Variants in FOXP1 observed in about 807,000 individuals in gnomAD.
FOXP1 encodes the protein forkhead box P1.
A neutral mutation model predicts 98.2 loss-of-function variants in FOXP1; 15 were observed. The ratio of observed to expected loss-of-function variants is 0.15; its 90% confidence interval spans 0.10 to 0.24. The LOEUF (loss-of-function observed/expected upper bound fraction) is 0.24. FOXP1 is among the 10% of genes least tolerant of loss of function. The pLI, the probability that FOXP1 is intolerant of heterozygous loss-of-function variation, is 1.00. For missense variants in FOXP1, 633 were observed against 848.5 expected, an observed-to-expected ratio of 0.75 and a Z score of 3.15; for synonymous variants, 371 against 314.5, an observed-to-expected ratio of 1.18 and a Z score of -1.90.
chr3:71,229,768 G>C (rs2066136610), intron 5 of FOXP1, among the ~76,000 whole-genome samples: 1 of 152,132 alleles, frequency 6.6e-6, no homozygotes, highest in Non-Finnish European at 1.5e-5. Flanking sequence ...AGTTGGATCA[G>C]CTACAATGGG....
chr3:71,186,583 A>G (rs1164542187), intron 6 of FOXP1, among the ~76,000 whole-genome samples: 1 of 152,126 alleles, frequency 6.6e-6, no homozygotes, highest in Admixed American at 6.5e-5. Context: ...TGGTGGCGCA[A>G]GCCTGTAGTC....
chr3:71,494,954 G>T (rs1422135508), intron 2 of FOXP1, among the ~76,000 whole-genome samples: 3 of 151,318 alleles, frequency 2.0e-5, no homozygotes, highest in Admixed American at 2.0e-4. Flanking sequence ...AAAAAGAAAA[G>T]AAATGAAGAA....
intron 11 of FOXP1, among the ~76,000 whole-genome samples, chr3:71,021,065 T>A (rs1234057025): frequency 1.3e-5 from 2 of 152,246 alleles, no homozygotes; most frequent in East Asian, 1.9e-4. Context: ...ATAGTTTACA[T>A]ATCATACAAT....
chr3:71,298,791 T>C (rs1300453489), intron 5 of FOXP1, among the ~76,000 whole-genome samples: 1 of 152,156 alleles, frequency 6.6e-6, no homozygotes, highest in Non-Finnish European at 1.5e-5. Flanking sequence ...GTGAGACTTA[T>C]CAAAAACTGA....
intron 7 of FOXP1, among the ~76,000 whole-genome samples, chr3:71,074,705 A>C (rs1482022645): frequency 6.6e-6 from 1 of 152,190 alleles, no homozygotes; most frequent in Non-Finnish European, 1.5e-5. Context: ...AATAAATGTG[A>C]CCAAGTGTCA....
Position 71,029,022 on chromosome 3 carries a change from G to A in FOXP1, c.869+12306C>T, listed in dbSNP as rs117381500. On this transcript the variant is annotated intron_variant, in intron 11 of 20. Transcript: ENST00000649528. ...TACAGATGGAACTTCACTCACTCAC[G>A]TGCCTCACCTCCTGCCGTGTGCCCT... 1.1e-3 allele frequency among the ~76,000 whole-genome samples: 172 copies of A among 152,306 alleles called. 2 individuals carry two copies. In the South Asian group the frequency reaches 0.022, roughly 19 times the overall value.
At chr3:71,471,941 C>CT (rs1177114086) in intron 3 of FOXP1, among the ~76,000 whole-genome samples, 1 of 152,184 alleles carries the variant, frequency 6.6e-6, no homozygotes, top group Non-Finnish European at 1.5e-5. Flanking sequence ...TGAATTTGTT[C>CT]TACAGCCCTA....
intron 5 of FOXP1, among the ~76,000 whole-genome samples, chr3:71,277,308 G>A (rs996817828): frequency 3.3e-5 from 5 of 150,492 alleles, no homozygotes; most frequent in South Asian, 2.1e-4. Flanking sequence ...GAGAACATGC[G>A]GTGTTTAACT....
intron 6 of FOXP1, among the ~76,000 whole-genome samples, chr3:71,117,997 G>C (rs1391547763): frequency 1.3e-5 from 2 of 152,172 alleles, no homozygotes; most frequent in Non-Finnish European, 2.9e-5. Context: ...GTGGGTCAGG[G>C]GGAGTGGTGG....
intron 4 of FOXP1, among the ~76,000 whole-genome samples, chr3:71,303,502 AT>A (rs2074022240): frequency 6.6e-6 from 1 of 152,162 alleles, no homozygotes; most frequent in Admixed American, 6.6e-5. Flanking sequence ...AAATAGGCCA[AT>A]TTCCAAGAGT....
At chr3:71,196,454 T>C (rs2063308118) in intron 6 of FOXP1, among the ~76,000 whole-genome samples, 1 of 152,138 alleles carries the variant, frequency 6.6e-6, no homozygotes, top group Admixed American at 6.5e-5. Context: ...AGATCCTGAA[T>C]GATTTTTAGC....
chr3:71,150,216 G>C (rs2060501505), intron 6 of FOXP1, among the ~76,000 whole-genome samples: 1 of 152,180 alleles, frequency 6.6e-6, no homozygotes, highest in South Asian at 2.1e-4. Context: ...ACGAGTACTA[G>C]GGAGGATGCT....
At chr3:71,477,362 A>G (rs2089935966) in intron 3 of FOXP1, among the ~76,000 whole-genome samples, 1 of 152,040 alleles carries the variant, frequency 6.6e-6, no homozygotes, top group Non-Finnish European at 1.5e-5. Context: ...AAACTGTAAA[A>G]CTCTCGTAAT....
chr3:71,568,975 A>C (rs1416190464), intron 2 of FOXP1, among the ~76,000 whole-genome samples: 2 of 152,178 alleles, frequency 1.3e-5, no homozygotes, highest in Admixed American at 6.5e-5. Context: ...ATGCCTCATA[A>C]GACTTGGATT....
At chr3:71,341,446 G>A (rs915822115) in intron 4 of FOXP1, among the ~76,000 whole-genome samples, 15 of 152,172 alleles carry the variant, frequency 9.9e-5, no homozygotes, top group African/African-American at 3.4e-4. Flanking sequence ...AGTACTCAGA[G>A]GGAAATTTAT....
intron 3 of FOXP1, among the ~76,000 whole-genome samples, chr3:71,371,244 G>A (rs928931020): frequency 2.0e-5 from 3 of 152,138 alleles, no homozygotes; most frequent in African/African-American, 7.2e-5. Flanking sequence ...GTATTGGTGC[G>A]TAGCTGCATC....
chr3:71,032,078 A>G (rs1221308382), intron 11 of FOXP1, among the ~76,000 whole-genome samples: 1 of 152,274 alleles, frequency 6.6e-6, no homozygotes, highest in Admixed American at 6.5e-5. Context: ...CAAACTGCAC[A>G]ACAGAGGCTG....
chr3:71,384,687 G>A (rs1349278037), intron 3 of FOXP1, among the ~76,000 whole-genome samples: 1 of 152,212 alleles, frequency 6.6e-6, no homozygotes, highest in African/African-American at 2.4e-5. Flanking sequence ...TAAAACAATT[G>A]TCACCAACTG....
In FOXP1 at chr3:71,358,254, A is replaced by G. The variant is rs192792652; in HGVS notation, c.-73+896T>C. 2.6e-5 allele frequency among the ~76,000 whole-genome samples: 4 copies of G among 152,222 alleles called. No homozygotes were observed. The South Asian group carries it at 8.3e-4, about 32-fold the overall frequency. On this transcript the variant is annotated intron_variant, in intron 4 of 20. Coordinates refer to ENST00000649528, the MANE Select transcript of FOXP1 (RefSeq NM_001349338.3). Reference sequence around the variant, plus strand: ...ATTGGCATTTGATCTTTAGCCTACCATAATCTACCCGCATATCCCTTCATC... The same window carrying G: ...ATTGGCATTTGATCTTTAGCCTACCGTAATCTACCCGCATATCCCTTCATC...
Sources: gnomAD v4.1 joint callset for allele counts (sites outside exome capture counted in the v4.1 genomes callset) on GRCh38, gnomAD v4.1.1 for gene constraint, MANE v1.5 for transcripts, NCBI Gene and HGNC (gene_info 2026-07-23, HGNC 2026-07-21) for gene names.